Variants in SLC35F1 observed in about 807,000 individuals in gnomAD.
SLC35F1 encodes the protein chromosome 6 open reading frame 169.
Under a neutral mutation model 48.7 loss-of-function variants are expected in SLC35F1, and 14 were observed. That is an observed-to-expected ratio of 0.29 (90% CI 0.19 to 0.45). The LOEUF (loss-of-function observed/expected upper bound fraction) is 0.45, where lower values mean the gene tolerates loss of function less well. Ranked by LOEUF, SLC35F1 falls within the 20% of genes least tolerant of loss-of-function variation. The pLI is 1.00. For synonymous variants in SLC35F1, 190 were observed against 202.2 expected (o/e 0.94, Z 0.51); for missense variants, 404 against 500.0 (o/e 0.81, Z 1.83).
At chr6:117,936,013 T>C (rs2114815887) in intron 1 of SLC35F1, among the ~76,000 whole-genome samples, 1 of 152,346 alleles carries the variant, frequency 6.6e-6, no homozygotes, top group South Asian at 2.1e-4. Context: ...ATGTTTGTGG[T>C]TCTCTTGATT....
chr6:118,056,813 G>A (rs980288784), intron 1 of SLC35F1, among the ~76,000 whole-genome samples: 10 of 152,136 alleles, frequency 6.6e-5, no homozygotes, highest in Admixed American at 3.3e-4. Flanking sequence ...CAGGGTAGTA[G>A]GGAATTGGTC....
chr6:118,285,047 T>C (rs1484580475), intron 6 of SLC35F1, 137 bp from the exon 7 acceptor site: 4 of 829,576 alleles, frequency 4.8e-6, no homozygotes, highest in Non-Finnish European at 7.6e-6. Flanking sequence ...ATAATAAACA[T>C]CAGTGAATAG....
chr6:117,930,745 A>T (rs1160428), intron 1 of SLC35F1, among the ~76,000 whole-genome samples: 120,333 of 152,070 alleles, frequency 0.79, 47,766 homozygotes, highest in South Asian at 0.89. Context: ...CAGGGCCCAA[A>T]CTTATTTCTC....
chr6:117,981,582 G>A (rs553772947), intron 1 of SLC35F1, among the ~76,000 whole-genome samples: 1 of 152,198 alleles, frequency 6.6e-6, no homozygotes, highest in South Asian at 2.1e-4. Context: ...CCTCTGTATG[G>A]TTCTATTCCC....
chr6:117,990,915 G>A (rs574200045), intron 1 of SLC35F1, among the ~76,000 whole-genome samples: 2 of 152,214 alleles, frequency 1.3e-5, no homozygotes, highest in African/African-American at 4.8e-5. Context: ...TAAATGACTA[G>A]GTCTTAATGA....
intron 2 of SLC35F1, among the ~76,000 whole-genome samples, chr6:118,205,948 C>G (rs1366241038): frequency 6.6e-6 from 1 of 152,016 alleles, no homozygotes; most frequent in Non-Finnish European, 1.5e-5. Flanking sequence ...TTCGCAGAGA[C>G]AGAAAGTAGA....
chr6:118,275,080 G>A (rs1445759482), intron 4 of SLC35F1, among the ~76,000 whole-genome samples: 2 of 152,154 alleles, frequency 1.3e-5, no homozygotes, highest in Non-Finnish European at 1.5e-5. Flanking sequence ...GGAGGCTGAG[G>A]CAGGAGAATC....
At chr6:117,987,956 G>T (rs1776868565) in intron 1 of SLC35F1, among the ~76,000 whole-genome samples, 1 of 152,148 alleles carries the variant, frequency 6.6e-6, no homozygotes. Flanking sequence ...AGCTTGGGAT[G>T]TGCAGTTAGA....
intron 2 of SLC35F1, among the ~76,000 whole-genome samples, chr6:118,210,846 T>G (rs1340094559): frequency 6.6e-6 from 1 of 152,188 alleles, no homozygotes; most frequent in Non-Finnish European, 1.5e-5. Context: ...CTGCCCTCTT[T>G]CATGAATCCA....
rs548482467 is a variant in SLC35F1, at chr6:118,079,020, A to T, written c.174-75425A>T. On this transcript the variant is annotated intron_variant, in intron 1 of 7. Transcript: ENST00000360388. ...ACTAGGGGTCCACTTAAAAAAATGT[A>T]TTGTGGTAAATATATGTAACATAAA... 1.2e-4 allele frequency among the ~76,000 whole-genome samples: 18 copies of T among 152,310 alleles called. No individual in the cohort carries two copies. The South Asian group carries it at 1.4e-3, about 12-fold the overall frequency.
intron 1 of SLC35F1, among the ~76,000 whole-genome samples, chr6:118,106,916 A>T (rs958851223): frequency 2.0e-5 from 3 of 152,178 alleles, no homozygotes; most frequent in Non-Finnish European, 4.4e-5. Flanking sequence ...TCCTTACTGA[A>T]ATGTCACCTC....
chr6:117,979,122 A>G (rs1776742425), intron 1 of SLC35F1, among the ~76,000 whole-genome samples: 2 of 152,370 alleles, frequency 1.3e-5, no homozygotes, highest in South Asian at 2.1e-4. Context: ...ATATGTTAGT[A>G]GATGCCTTTG....
intron 6 of SLC35F1, among the ~76,000 whole-genome samples, chr6:118,283,953 C>G (rs1177121976): frequency 6.6e-6 from 1 of 152,146 alleles, no homozygotes; most frequent in African/African-American, 2.4e-5. Flanking sequence ...GGTTGTTCCC[C>G]CTTCCTCTGA....
chr6:117,931,850 A>C (rs1250834221), intron 1 of SLC35F1, among the ~76,000 whole-genome samples: 2 of 152,220 alleles, frequency 1.3e-5, no homozygotes, highest in Non-Finnish European at 2.9e-5. Context: ...ATGGATAAAG[A>C]GTTACCTCCA....
chr6:117,954,362 T>C (rs1434321271), intron 1 of SLC35F1, among the ~76,000 whole-genome samples: 1 of 152,114 alleles, frequency 6.6e-6, no homozygotes. Context: ...TTCAAGGGAT[T>C]CTCCTGCCTC....
Position 118,187,036 on chromosome 6 carries a change from C to G in SLC35F1, c.349+32416C>G, listed in dbSNP as rs1436404295. ...TCTCATTCTATCTCTCTATCTCATTCTATCTCTCTGGACCTTTATTCTGGA... is the reference window on the plus strand; with the variant it reads ...TCTCATTCTATCTCTCTATCTCATTGTATCTCTCTGGACCTTTATTCTGGA... On this transcript the variant is annotated intron_variant, in intron 2 of 7. Coordinates refer to ENST00000360388, the MANE Select transcript of SLC35F1 (RefSeq NM_001029858.4). Among the ~76,000 whole-genome samples the G allele has an allele frequency of 5.3e-5, 8 of 152,242 alleles. No homozygotes were observed. In the East Asian group the frequency reaches 1.5e-3, roughly 29 times the overall value.
intron 1 of SLC35F1, among the ~76,000 whole-genome samples, chr6:118,070,351 A>G (rs527535566): frequency 2.6e-5 from 4 of 152,258 alleles, no homozygotes; most frequent in South Asian, 4.1e-4. Context: ...AGTGGCAGTT[A>G]TGTTTCCTCT....
chr6:117,981,758 T>C (rs1776784102), intron 1 of SLC35F1, among the ~76,000 whole-genome samples: 1 of 152,250 alleles, frequency 6.6e-6, no homozygotes, highest in Non-Finnish European at 1.5e-5. Context: ...TCTGTTAAAC[T>C]ATGTAACAGT....
At chr6:118,056,346 T>A (rs1772463202) in intron 1 of SLC35F1, among the ~76,000 whole-genome samples, 1 of 152,212 alleles carries the variant, frequency 6.6e-6, no homozygotes, top group Admixed American at 6.5e-5. Flanking sequence ...TTTCTAAGAA[T>A]TAAATCCTGA....
Sources: gnomAD v4.1 joint callset for allele counts (sites outside exome capture counted in the v4.1 genomes callset) on GRCh38, gnomAD v4.1.1 for gene constraint, MANE v1.5 for transcripts, NCBI Gene and HGNC (gene_info 2026-07-23, HGNC 2026-07-21) for gene names.